PRSS23: variants seen among roughly 807,000 people sequenced by gnomAD.
PRSS23 encodes the protein protease, serine 23.
PRSS23 carries 25 observed loss-of-function variants against 34.7 expected under a neutral mutation model. The observed-to-expected ratio is 0.72, with a 90% confidence interval of 0.53 to 1.01. PRSS23 has a LOEUF of 1.01. Ranked by LOEUF, PRSS23 falls within the 50% of genes least tolerant of loss-of-function variation. The pLI, the probability that PRSS23 is intolerant of heterozygous loss-of-function variation, is 0.00. For synonymous variants in PRSS23, 176 were observed against 186.6 expected, an observed-to-expected ratio of 0.94 and a Z score of 0.46; for missense variants, 445 against 475.6, an observed-to-expected ratio of 0.94 and a Z score of 0.60.
At chr11:86,948,213 A>G (rs1241534546) in intron 2 of PRSS23, 1 of 152,166 alleles carries the variant, frequency 6.6e-6, no homozygotes, top group Non-Finnish European at 1.5e-5. Flanking sequence ...TCACACAGGA[A>G]GAGATTTATG....
At chr11:86,830,141 C>G (rs1433051084) in intron 2 of PRSS23, among the ~76,000 whole-genome samples, 1 of 152,212 alleles carries the variant, frequency 6.6e-6, no homozygotes, top group African/African-American at 2.4e-5. Context: ...TGGTGGGCTC[C>G]ACCCAGCTCG....
chr11:86,843,359 G>C (rs1230969252), intron 2 of PRSS23, among the ~76,000 whole-genome samples: 4 of 152,104 alleles, frequency 2.6e-5, no homozygotes. Context: ...ACATAGGCGT[G>C]GGCAAAGACT....
intron 2 of PRSS23, among the ~76,000 whole-genome samples, chr11:86,893,310 T>C (rs1017672089): frequency 1.8e-4 from 27 of 152,322 alleles, no homozygotes; most frequent in African/African-American, 6.3e-4. Flanking sequence ...TGTGGTAATG[T>C]GTTATGGCAG....
chr11:86,833,369 A>G (rs918555135), intron 2 of PRSS23: 15 of 783,180 alleles, frequency 1.9e-5, no homozygotes, highest in Non-Finnish European at 3.1e-5. Flanking sequence ...ATGAACAGGA[A>G]CAGCCCAGCG....
intron 2 of PRSS23, among the ~76,000 whole-genome samples, chr11:86,915,310 G>C (rs1949004501): frequency 6.6e-6 from 1 of 152,126 alleles, no homozygotes; most frequent in Non-Finnish European, 1.5e-5. Flanking sequence ...CCAGAGTGTG[G>C]CAATAGGTAG....
downstream of PRSS23, among the ~76,000 whole-genome samples, chr11:86,814,491 A>G (rs993084473): frequency 5.9e-5 from 9 of 152,194 alleles, no homozygotes; most frequent in African/African-American, 2.2e-4. Context: ...AGGAAGTGAG[A>G]GACAAAGGGT....
At chr11:86,883,715 T>G (rs1447752331) in intron 2 of PRSS23, among the ~76,000 whole-genome samples, 3 of 152,220 alleles carry the variant, frequency 2.0e-5, no homozygotes, top group Non-Finnish European at 4.4e-5. Context: ...CGTGTTTACC[T>G]CTATAATTTC....
At chr11:86,819,761 G>A (rs1432563952) in intron 1 of PRSS23, among the ~76,000 whole-genome samples, 1 of 152,116 alleles carries the variant, frequency 6.6e-6, no homozygotes, top group Admixed American at 6.5e-5. Context: ...AAACAATTAA[G>A]ATGAATACAT....
chr11:86,823,612 A>G, intron 2 of PRSS23: 1 of 702,432 alleles, frequency 1.4e-6, no homozygotes, highest in East Asian at 2.7e-5. Flanking sequence ...ATATCAGATT[A>G]TCACAAAGCA....
chr11:86,879,936 T>C (rs1227197631), intron 2 of PRSS23, among the ~76,000 whole-genome samples: 1 of 151,478 alleles, frequency 6.6e-6, no homozygotes, highest in Non-Finnish European at 1.5e-5. Flanking sequence ...CCACCCCGTC[T>C]GGGAGGTGTA....
chr11:86,828,719 G>A (rs187271410), intron 2 of PRSS23, among the ~76,000 whole-genome samples: 416 of 152,238 alleles, frequency 2.7e-3, no homozygotes, highest in African/African-American at 9.2e-3. Context: ...GCATTTGCTC[G>A]TCTGTAAAGT....
intron 2 of PRSS23, among the ~76,000 whole-genome samples, chr11:86,932,123 T>A (rs1269874750): frequency 6.6e-6 from 1 of 150,994 alleles, no homozygotes; most frequent in Non-Finnish European, 1.5e-5. Flanking sequence ...GGCTGGGGGG[T>A]GATTAATCAT....
Position 86,873,235 on chromosome 11 carries a change from TAC to T in PRSS23, c.206+49654_206+49655del, listed in dbSNP as rs61195398. Among the ~76,000 whole-genome samples, 28 of 135,454 alleles carry T rather than the reference TAC, an allele frequency of 2.1e-4. No homozygotes were observed. The South Asian group carries it at 5.0e-3, about 24-fold the overall frequency. The allele number at this position is 135,454 out of a possible 152,430, so 88.9% of individuals were successfully genotyped here. On this transcript the variant is annotated intron_variant, in intron 2 of 2. Transcript: ENST00000533902. ...ACACACAGATATATGTATATATATA[TAC>T]ACACACACACATATATATGTATATA... is the stretch of plus-strand genomic sequence containing the variant.
intron 2 of PRSS23, chr11:86,946,549 C>T (rs1949244517): frequency 6.6e-6 from 1 of 152,276 alleles, no homozygotes; most frequent in South Asian, 2.1e-4. Flanking sequence ...TCATTTGTCT[C>T]CTGGTACTGT....
At chr11:86,862,092 G>T (rs546059717) in intron 2 of PRSS23, among the ~76,000 whole-genome samples, 1 of 151,518 alleles carries the variant, frequency 6.6e-6, no homozygotes, top group African/African-American at 2.4e-5. Context: ...TCGCAATATC[G>T]CAGGGGGTGT....
At chr11:86,871,003 A>AT (rs994809296) in intron 2 of PRSS23, among the ~76,000 whole-genome samples, 5 of 151,948 alleles carry the variant, frequency 3.3e-5, no homozygotes, top group African/African-American at 1.2e-4. Flanking sequence ...TATATTGACA[A>AT]TTTTTTTCCT....
At chr11:86,824,205 G>C (rs1383890726) in intron 2 of PRSS23, among the ~76,000 whole-genome samples, 1 of 151,288 alleles carries the variant, frequency 6.6e-6, no homozygotes, top group Non-Finnish European at 1.5e-5. Context: ...CTACTTGGGA[G>C]GCTGAGGTGG....
chr11:86,857,763 G>A, intron 2 of PRSS23: 1 of 1,047,486 alleles, frequency 9.5e-7, no homozygotes, highest in South Asian at 1.2e-5. Context: ...GCGACTGCAT[G>A]TCCACAATCA....
intron 2 of PRSS23, among the ~76,000 whole-genome samples, chr11:86,888,074 A>AAC (rs1329030367): frequency 2.0e-5 from 3 of 151,256 alleles, no homozygotes; most frequent in Non-Finnish European, 2.9e-5. Flanking sequence ...CAAAAACAAA[A>AAC]ACACACACAC....
Sources: allele counts gnomAD v4.1 joint callset (sites outside exome capture counted in the v4.1 genomes callset), GRCh38; gene constraint gnomAD v4.1.1; transcripts MANE v1.5; gene names NCBI Gene and HGNC (gene_info 2026-07-23, HGNC 2026-07-21).